The following FAM107B variants were observed in gnomAD, a reference collection of about 807,000 sequenced individuals.
The protein encoded by FAM107B is family with sequence similarity 107 member B.
FAM107B carries 21 observed loss-of-function variants against 31.5 expected under a neutral mutation model. That is an observed-to-expected ratio of 0.67 (90% CI 0.47 to 0.96). FAM107B has a LOEUF of 0.96. FAM107B is among the 40% of genes least tolerant of loss of function. The pLI, the probability that FAM107B is intolerant of heterozygous loss-of-function variation, is 0.00. For synonymous variants in FAM107B, 157 were observed against 141.5 expected (o/e 1.11, Z -0.78); for missense variants, 452 against 377.1 (o/e 1.20, Z -1.64).
chr10:14,530,610 C>G lies in FAM107B; in HGVS notation c.470-95G>C, dbSNP rs1041581088. 10 of 1,152,776 alleles carry G rather than the reference C, an allele frequency of 8.7e-6. No homozygotes were observed. In the African/African-American group the frequency reaches 1.1e-4, roughly 12 times the overall value. The allele number at this position is 1,152,776 out of a possible 1,614,324, so 71.4% of individuals were successfully genotyped here. ...CACAGAGCTGTGCTCAGTATGCTAA[C>G]ACATGCCATCCTCCTGAGTCCACTC... On this transcript the variant is annotated intron_variant, in intron 2 of 4. Transcript: ENST00000181796.
At chr10:14,688,075 G>C (rs1366607444) in intron 1 of FAM107B, among the ~76,000 whole-genome samples, 3 of 152,254 alleles carry the variant, frequency 2.0e-5, no homozygotes, top group Non-Finnish European at 4.4e-5. Context: ...ACAGCTAGAA[G>C]AAAGCAGGCA....
At chr10:14,523,538 T>C (rs1169432656) in intron 3 of FAM107B, among the ~76,000 whole-genome samples, 4 of 152,248 alleles carry the variant, frequency 2.6e-5, no homozygotes, top group Non-Finnish European at 5.9e-5. Flanking sequence ...GTCCGGCTGC[T>C]GATGACTGCT....
At chr10:14,538,274 G>T (rs1847845055) in intron 2 of FAM107B, among the ~76,000 whole-genome samples, 1 of 152,076 alleles carries the variant, frequency 6.6e-6, no homozygotes, top group Non-Finnish European at 1.5e-5. Flanking sequence ...AATGTTAATG[G>T]CAGGCCATTC....
chr10:14,730,040 G>A (rs1306431627), intron 1 of FAM107B, among the ~76,000 whole-genome samples: 1 of 152,070 alleles, frequency 6.6e-6, no homozygotes, highest in Non-Finnish European at 1.5e-5. Flanking sequence ...GCCTGTTGGG[G>A]GGTTGGGGGC....
intron 1 of FAM107B, among the ~76,000 whole-genome samples, chr10:14,762,117 T>C (rs1202370994): frequency 1.3e-5 from 2 of 152,108 alleles, no homozygotes; most frequent in African/African-American, 2.4e-5. Context: ...CCCAGGTTCT[T>C]TCTTGTCTTC....
chr10:14,588,703 C>T (rs1851922162), intron 2 of FAM107B, among the ~76,000 whole-genome samples: 1 of 152,120 alleles, frequency 6.6e-6, no homozygotes, highest in Admixed American at 6.5e-5. Flanking sequence ...TCCACTCCTC[C>T]CCACCCATCA....
intron 1 of FAM107B, among the ~76,000 whole-genome samples, chr10:14,669,758 T>C (rs538669755): frequency 6.6e-6 from 1 of 152,324 alleles, no homozygotes; most frequent in East Asian, 1.9e-4. Flanking sequence ...AGTAGAATGA[T>C]AGTTACCAGA....
chr10:14,688,032 A>C (rs1824326), intron 1 of FAM107B, among the ~76,000 whole-genome samples: 1 of 152,162 alleles, frequency 6.6e-6, no homozygotes, highest in African/African-American at 2.4e-5. Context: ...CCCACCTTCA[A>C]TTTGGGTGGG....
At chr10:14,749,995 G>A (rs887855612) in intron 1 of FAM107B, among the ~76,000 whole-genome samples, 6 of 152,196 alleles carry the variant, frequency 3.9e-5, no homozygotes, top group African/African-American at 7.2e-5. Context: ...CTTGAAGAGC[G>A]AGGGGGTGGG....
chr10:14,548,633 G>T, intron 2 of FAM107B: 1 of 985,470 alleles, frequency 1.0e-6, no homozygotes, highest in Non-Finnish European at 1.2e-6. Context: ...GCTCTCTCCA[G>T]CTGCGAAGGC....
rs1173956382 is a variant in FAM107B, at chr10:14,519,456, A to T, written c.*1734T>A. On this transcript the variant is annotated 3_prime_UTR_variant, in exon 5 of 5. Transcript: ENST00000181796. ...CACACTTCCTTCTCTCAAAAGAACG[A>T]TGGGAAAAAATAGTTACCATTCCAT... 1 of 152,250 alleles carries T rather than the reference A, an allele frequency of 6.6e-6. No homozygotes were observed. The highest frequency in any genetic ancestry group is 1.5e-5 in the Non-Finnish European group (1 of 68,044). 9.4% of individuals were successfully genotyped at this position (152,250 alleles called of 1,614,324 possible).
chr10:14,613,988 A>G (rs1852789425), intron 2 of FAM107B, among the ~76,000 whole-genome samples: 2 of 152,194 alleles, frequency 1.3e-5, no homozygotes, highest in African/African-American at 2.4e-5. Context: ...AAAATTAGTC[A>G]GGAGTGTTGG....
chr10:14,690,426 T>C (rs1855104204), intron 1 of FAM107B, among the ~76,000 whole-genome samples: 1 of 152,178 alleles, frequency 6.6e-6, no homozygotes, highest in African/African-American at 2.4e-5. Flanking sequence ...ATCTCACCCA[T>C]ACTTTCACAA....
intron 2 of FAM107B, among the ~76,000 whole-genome samples, chr10:14,538,569 G>A (rs1469532570): frequency 6.6e-6 from 1 of 152,172 alleles, no homozygotes; most frequent in Non-Finnish European, 1.5e-5. Context: ...TGAATAGACG[G>A]CAGTACCAAT....
chr10:14,737,471 G>A (rs1327475319), intron 1 of FAM107B, among the ~76,000 whole-genome samples: 4 of 151,976 alleles, frequency 2.6e-5, no homozygotes, highest in Admixed American at 6.5e-5. Flanking sequence ...AAAATGAGCC[G>A]GGCGTGGTGA....
At chr10:14,570,149 G>C (rs746559005) in intron 2 of FAM107B, among the ~76,000 whole-genome samples, 4 of 152,072 alleles carry the variant, frequency 2.6e-5, no homozygotes, top group Non-Finnish European at 4.4e-5. Context: ...AGGTAATTGA[G>C]TGTCCTATGT....
At chr10:14,608,681 C>T (rs1294152201) in intron 2 of FAM107B, among the ~76,000 whole-genome samples, 3 of 152,190 alleles carry the variant, frequency 2.0e-5, no homozygotes, top group Non-Finnish European at 4.4e-5. Context: ...AGTGGTAAGG[C>T]CCCTGGAGCT....
chr10:14,610,319 G>A (rs1852696686), intron 2 of FAM107B, among the ~76,000 whole-genome samples: 1 of 151,860 alleles, frequency 6.6e-6, no homozygotes, highest in Admixed American at 6.6e-5. Context: ...CTCCAGCCTG[G>A]GTGACAGAGC....
chr10:14,593,976 A>T (rs1401956970), intron 2 of FAM107B, among the ~76,000 whole-genome samples: 1 of 152,238 alleles, frequency 6.6e-6, no homozygotes. Context: ...TGCCTAATTA[A>T]ATTCCATTCA....
Sources: allele counts gnomAD v4.1 joint callset (sites outside exome capture counted in the v4.1 genomes callset), GRCh38; gene constraint gnomAD v4.1.1; transcripts MANE v1.5; gene names NCBI Gene and HGNC (gene_info 2026-07-23, HGNC 2026-07-21).